The following PRSS12 variants were observed in gnomAD, a reference collection of about 807,000 sequenced individuals.
PRSS12 encodes the protein serine protease 12.
Under a neutral mutation model 104.4 loss-of-function variants are expected in PRSS12, and 85 were observed. That is an observed-to-expected ratio of 0.81 (90% confidence interval 0.68 to 0.98). The LOEUF is 0.98. Among genes scored for constraint, PRSS12 ranks in the 50% least tolerant of loss-of-function variants. The pLI is 0.00. For missense variants in PRSS12, 1,141 were observed against 1,139.2 expected (o/e 1.00, Z -0.02); for synonymous variants, 454 against 425.2 (o/e 1.07, Z -0.83).
In PRSS12 at chr4:118,316,208, G is replaced by T. The variant is rs763158980; in HGVS notation, c.1266C>A (p.Tyr422Ter). Residue 422 changes from tyrosine (Y) to a stop codon, truncating the protein, a stop_gained, in exon 6 of 13, where the codon TAC (tyrosine) becomes TAA (stop). Coordinates refer to ENST00000296498, the MANE Select transcript of PRSS12 (RefSeq NM_003619.4). LOFTEE classifies it high-confidence loss of function. ...CDDGWTELNT[Y>*]VVCRQLGFKY... ...TAAATCCCAATTGTCGACAAACCACGTATGTATTCAGCTCAGTCCAGCCAT... is the reference window on the plus strand; with the variant it reads ...TAAATCCCAATTGTCGACAAACCACTTATGTATTCAGCTCAGTCCAGCCAT... 23 of 1,613,840 alleles carry T rather than the reference G, an allele frequency of 1.4e-5. No individual in the cohort carries two copies. The highest frequency in any genetic ancestry group is 1.8e-5 in the Non-Finnish European group (21 of 1,179,986).
At chr4:118,312,999 TA>T (rs1459897079) in intron 7 of PRSS12, 4 of 614,534 alleles carry the variant, frequency 6.5e-6, no homozygotes, top group Admixed American at 6.0e-5. Flanking sequence ...AAAAACAATT[TA>T]GGGGTAGAAA....
chr4:118,319,868 G>A (rs1578923503), intron 4 of PRSS12, among the ~76,000 whole-genome samples: 2 of 152,148 alleles, frequency 1.3e-5, no homozygotes, highest in East Asian at 3.9e-4. Flanking sequence ...TAGAGATGGA[G>A]TCTCATTATG....
chr4:118,303,180 T>C (rs951633576), intron 8 of PRSS12: 10 of 152,028 alleles, frequency 6.6e-5, no homozygotes, highest in Non-Finnish European at 1.2e-4. Flanking sequence ...AATAAGAATG[T>C]TGAATTTCTA....
chr4:118,316,837 A>AAT (rs70941165), intron 5 of PRSS12, among the ~76,000 whole-genome samples: 210 of 99,192 alleles, frequency 2.1e-3, no homozygotes, highest in Middle Eastern at 8.9e-3. Flanking sequence ...AAAAAAAAAA[A>AAT]ATATATATAT....
Position 118,298,943 on chromosome 4 carries a change from A to G in PRSS12, c.1632-5T>C. ...GTTCTTGCTCTGGCAGGACCCCTGAAGACAGAACATTCTTAATCATGTGAA... is the reference window on the plus strand; with the variant it reads ...GTTCTTGCTCTGGCAGGACCCCTGAGGACAGAACATTCTTAATCATGTGAA... On this transcript the variant is annotated splice_region_variant and splice_polypyrimidine_tract_variant and intron_variant, in intron 8 of 12. Coordinates refer to ENST00000296498, the MANE Select transcript of PRSS12 (RefSeq NM_003619.4). 2 of 1,614,028 alleles carry G rather than the reference A, an allele frequency of 1.2e-6. No homozygotes were observed. The highest frequency in any genetic ancestry group is 1.7e-6 in the Non-Finnish European group (2 of 1,179,906).
intron 5 of PRSS12, among the ~76,000 whole-genome samples, chr4:118,316,639 T>C (rs909479351): frequency 6.6e-6 from 1 of 151,720 alleles, no homozygotes; most frequent in Non-Finnish European, 1.5e-5. Context: ...CTGGCCAACA[T>C]GGTGAAACCC....
intron 8 of PRSS12, among the ~76,000 whole-genome samples, chr4:118,299,780 A>AAAATAAAAT (rs1743357427): frequency 4.1e-5 from 3 of 73,276 alleles, no homozygotes; most frequent in African/African-American, 8.2e-5. Context: ...AAAATAAAAT[A>AAAATAAAAT]AAATAAAATA....
At chr4:118,302,926 T>C (rs71608361) in intron 8 of PRSS12, among the ~76,000 whole-genome samples, 9,320 of 152,158 alleles carry the variant, frequency 0.061, 391 homozygotes, top group Non-Finnish European at 0.093. Context: ...GTAAAGAAAT[T>C]TGAAATTCAA....
chr4:118,320,567 C>T (rs1470811866), intron 4 of PRSS12, among the ~76,000 whole-genome samples: 1 of 152,012 alleles, frequency 6.6e-6, no homozygotes, highest in African/African-American at 2.4e-5. Context: ...ACCTGGGCAA[C>T]AGGGCAAAAC....
At chr4:118,331,906 T>C in intron 3 of PRSS12, 40 bp from the exon 4 acceptor site, 2 of 1,611,346 alleles carry the variant, frequency 1.2e-6, no homozygotes, top group Non-Finnish European at 1.7e-6. Flanking sequence ...AACCTATGCA[T>C]TTACATTGAT....
chr4:118,291,994 T>G (rs1743139000), intron 11 of PRSS12, among the ~76,000 whole-genome samples: 1 of 151,916 alleles, frequency 6.6e-6, no homozygotes, highest in South Asian at 2.1e-4. Context: ...AGTCAATAAG[T>G]GCAGCAAACC....
intron 5 of PRSS12, 54 bp from the exon 6 acceptor site, chr4:118,316,377 A>C: frequency 1.2e-6 from 2 of 1,607,670 alleles, no homozygotes; most frequent in Admixed American, 3.3e-5. Context: ...AAAAAAAGGC[A>C]AAACAACATT....
rs1742845411 is a variant in PRSS12, at chr4:118,281,303, G to A, written c.*633C>T. 6.5e-6 allele frequency: 1 copy of A among 153,906 alleles called. No homozygotes were observed. The highest frequency in any genetic ancestry group is 2.4e-5 in the African/African-American group (1 of 41,450). 9.5% of individuals were successfully genotyped at this position (153,906 alleles called of 1,614,324 possible). On this transcript the variant is annotated 3_prime_UTR_variant, in exon 13 of 13. Coordinates refer to ENST00000296498, the MANE Select transcript of PRSS12 (RefSeq NM_003619.4). ...GTATTTTTATCTTATGGTTTCTGTA[G>A]CACTTGGTACTCAACAAGGATACTT... is the stretch of plus-strand genomic sequence containing the variant.
intron 1 of PRSS12, among the ~76,000 whole-genome samples, chr4:118,339,162 T>C (rs985797061): frequency 2.6e-5 from 4 of 152,124 alleles, no homozygotes; most frequent in Non-Finnish European, 4.4e-5. Flanking sequence ...CTCTTCTCAT[T>C]GGGACTGGTT....
At chr4:118,333,349 T>A (rs1326308992) in intron 3 of PRSS12, among the ~76,000 whole-genome samples, 1 of 152,216 alleles carries the variant, frequency 6.6e-6, no homozygotes, top group Non-Finnish European at 1.5e-5. Context: ...GTAAACGGCA[T>A]TTGGATATTC....
chr4:118,295,692 A>T, intron 10 of PRSS12, 86 bp downstream of exon 10: 16 of 1,227,710 alleles, frequency 1.3e-5, no homozygotes, highest in Non-Finnish European at 1.4e-5. Flanking sequence ...CAAGTCCCTT[A>T]TATAACAGAA....
At chr4:118,328,795 TTC>T (rs1363294718) in intron 4 of PRSS12, among the ~76,000 whole-genome samples, 4 of 152,094 alleles carry the variant, frequency 2.6e-5, no homozygotes, top group Non-Finnish European at 5.9e-5. Flanking sequence ...GGCTAATTTT[TTC>T]TTTTTCCTTT....
chr4:118,298,916 T>C lies in PRSS12; in HGVS notation c.1654A>G (p.Met552Val). The part of the protein sequence containing the change: ...GYKGPARART[M>V]AYFGEGKGPI... ...CCTTTTCCTTCTCCAAAGTAAGCCA[T>C]GGTTCTTGCTCTGGCAGGACCCCTG... Residue 552 changes from methionine (M) to valine (V), a missense_variant, in exon 9 of 13, where the codon ATG becomes GTG. Physicochemically the swap from Met to Val is conservative, Grantham distance 21. Transcript: ENST00000296498. 1.2e-6 allele frequency: 2 copies of C among 1,614,224 alleles called. No homozygotes were observed. The highest frequency in any genetic ancestry group is 1.1e-5 in the South Asian group (1 of 91,088).
At chr4:118,300,331 CGGAGACAGAGAAAAA>C (rs1293785021) in intron 8 of PRSS12, among the ~76,000 whole-genome samples, 1 of 151,676 alleles carries the variant, frequency 6.6e-6, no homozygotes, top group Admixed American at 6.6e-5. Context: ...CAATTTTTAA[CGGAGACAGAGAAAAA>C]TAGGAATCAT....
Sources: allele counts gnomAD v4.1 joint callset (sites outside exome capture counted in the v4.1 genomes callset), GRCh38; gene constraint gnomAD v4.1.1; transcripts MANE v1.5; gene names NCBI Gene and HGNC (gene_info 2026-07-23, HGNC 2026-07-21).